Variants in YIPF3 observed in about 807,000 individuals in gnomAD.
The protein encoded by YIPF3 is protein YIPF3.
YIPF3 carries 18 observed loss-of-function variants against 40.3 expected under a neutral mutation model. The observed-to-expected ratio is 0.45, with a 90% CI of 0.31 to 0.66. The LOEUF (loss-of-function observed/expected upper bound fraction) is 0.66, where lower values mean the gene tolerates loss of function less well. Ranked by LOEUF, YIPF3 falls within the 30% of genes least tolerant of loss-of-function variation. YIPF3 has a pLI of 0.07. For synonymous variants in YIPF3, 190 were observed against 179.6 expected (o/e 1.06, Z -0.46); for missense variants, 406 against 452.2 (o/e 0.90, Z 0.93).
intron 2 of YIPF3, 21 bp from the exon 3 acceptor site, chr6:43,515,722 A>G (rs1371560254): frequency 3.7e-6 from 6 of 1,613,932 alleles, no homozygotes; most frequent in Non-Finnish European, 5.1e-6. Flanking sequence ...GAAGATGGGC[A>G]TAGGTATTGT....
intron 7 of YIPF3, 91 bp downstream of exon 7, chr6:43,512,670 T>C: frequency 6.5e-7 from 1 of 1,548,740 alleles, no homozygotes; most frequent in Non-Finnish European, 8.7e-7. Flanking sequence ...CCCTCCCATT[T>C]AGGGCTCTTT....
chr6:43,515,323 A>G (rs757148184), intron 3 of YIPF3: 5 of 546,648 alleles, frequency 9.1e-6, no homozygotes, highest in Middle Eastern at 2.8e-4. Context: ...GAACACCAGG[A>G]GAGAACAAAC....
intron 7 of YIPF3, 23 bp downstream of exon 7, chr6:43,512,738 T>C (rs750500380): frequency 1.9e-6 from 3 of 1,606,970 alleles, no homozygotes; most frequent in Non-Finnish European, 2.5e-6. Context: ...AGCCCACCCC[T>C]GGAAGCCTCT....
intron 1 of YIPF3, 193 bp from the exon 2 acceptor site, chr6:43,516,288 G>T: frequency 7.7e-7 from 1 of 1,304,050 alleles, no homozygotes; most frequent in Non-Finnish European, 1.0e-6. Flanking sequence ...ATCTTTTCTA[G>T]CCTGGGAAAC....
chr6:43,512,367 CCAT>C (rs771818241), intron 8 of YIPF3, 52 bp from the exon 9 acceptor site: 2 of 1,613,836 alleles, frequency 1.2e-6, no homozygotes, highest in Non-Finnish European at 1.7e-6. Flanking sequence ...AGCCCACCAG[CCAT>C]CATATCTAGC....
rs1582170987 is a variant in YIPF3, at chr6:43,512,057, T to G, written c.*110A>C. On this transcript the variant is annotated 3_prime_UTR_variant, in exon 9 of 9. Coordinates refer to ENST00000372422, the MANE Select transcript of YIPF3 (RefSeq NM_015388.4). Reference sequence around the variant, plus strand: ...AGGTACTTACGCAGCTACAGCTCAGTGGCAGCTGCAAACCCCATCTACGAA... The same window carrying G: ...AGGTACTTACGCAGCTACAGCTCAGGGGCAGCTGCAAACCCCATCTACGAA... 1.3e-6 allele frequency: 2 copies of G among 1,507,350 alleles called. No homozygotes were observed. Among genetic ancestry groups the G allele is most frequent in the East Asian group, 4.5e-5 (2 of 44,028 alleles). The allele number at this position is 1,507,350 out of a possible 1,614,324, so 93.4% of individuals were successfully genotyped here.
In YIPF3 at chr6:43,516,711, G is replaced by T. The variant is rs1370171519; in HGVS notation, c.81+16C>A. 6 of 1,612,208 alleles carry T rather than the reference G, an allele frequency of 3.7e-6. No individual in the cohort carries two copies. Among genetic ancestry groups the T allele is most frequent in the South Asian group, 1.1e-5 (1 of 90,986 alleles). On this transcript the variant is annotated intron_variant, in intron 1 of 8. Coordinates refer to ENST00000372422, the MANE Select transcript of YIPF3 (RefSeq NM_015388.4). ...GGCCCTCCGGCTGCTGGCAGCTGGT[G>T]CCTTGGGGCCATTACCTGGATGTTT...
chr6:43,515,055 C>G (rs572927863), intron 3 of YIPF3: 4 of 297,746 alleles, frequency 1.3e-5, no homozygotes, highest in African/African-American at 9.1e-5. Context: ...TGCAGTGGCA[C>G]GATCTCGGCT....
Position 43,511,944 on chromosome 6 carries a change from C to T in YIPF3, c.*223G>A, listed in dbSNP as rs1582170866. The T allele has an allele frequency of 1.6e-6, 1 of 617,814 alleles. No homozygotes were observed. Among genetic ancestry groups the T allele is most frequent in the East Asian group, 3.2e-5 (1 of 31,536 alleles). The allele number at this position is 617,814 out of a possible 1,614,324, so 38.3% of individuals were successfully genotyped here. A position where few individuals can be genotyped will look rare whatever the true frequency, so the allele number is the denominator to read the frequency against. On this transcript the variant is annotated 3_prime_UTR_variant, in exon 9 of 9. Coordinates refer to ENST00000372422, the MANE Select transcript of YIPF3 (RefSeq NM_015388.4). ...GGGAGGGGTTCTCAAAGGAGCTGAC[C>T]CATTTTCTGCATTGGCTGCAGAGCC...
At chr6:43,513,896 A>G (rs1031724311) in intron 3 of YIPF3, 3 of 358,522 alleles carry the variant, frequency 8.4e-6, no homozygotes, top group South Asian at 1.7e-4. Context: ...ACTCAGCCCT[A>G]CTGGGCCTTG....
intron 3 of YIPF3, among the ~76,000 whole-genome samples, chr6:43,514,026 G>A (rs565916347): frequency 3.9e-5 from 6 of 152,252 alleles, no homozygotes; most frequent in African/African-American, 1.4e-4. Flanking sequence ...CAGATCACAA[G>A]GTCAGGAGTT....
Position 43,511,960 on chromosome 6 carries a change from C to T in YIPF3, c.*207G>A. 1 of 728,296 alleles carries T rather than the reference C, an allele frequency of 1.4e-6. No individual in the cohort carries two copies. The highest frequency in any genetic ancestry group is 2.1e-6 in the Non-Finnish European group (1 of 465,534). The allele number at this position is 728,296 out of a possible 1,614,324, so 45.1% of individuals were successfully genotyped here. ...GGAGCTGACCCATTTTCTGCATTGG[C>T]TGCAGAGCCTTGCAGTCCTGGCCAG... On this transcript the variant is annotated 3_prime_UTR_variant, in exon 9 of 9. Coordinates refer to ENST00000372422, the MANE Select transcript of YIPF3 (RefSeq NM_015388.4).
chr6:43,512,089 C>A lies in YIPF3; in HGVS notation c.*78G>T. The stretch of plus-strand genomic sequence containing the variant: ...TGCAAACCCCATCTACGAAACATGT[C>A]ATCAGGACTGTCCTTTAATAGTCTT... On this transcript the variant is annotated 3_prime_UTR_variant, in exon 9 of 9. Coordinates refer to ENST00000372422, the MANE Select transcript of YIPF3 (RefSeq NM_015388.4). The A allele has an allele frequency of 6.3e-7, 1 of 1,595,726 alleles. No individual in the cohort carries two copies.
At position 43,512,503 on chromosome 6, in the gene YIPF3, G is replaced by A. The variant is rs150648489; in HGVS notation, c.841C>T (p.Leu281=). 2 of 1,613,636 alleles carry A rather than the reference G, an allele frequency of 1.2e-6. No individual in the cohort carries two copies. Among genetic ancestry groups the A allele is most frequent in the South Asian group, 2.2e-5 (2 of 91,058 alleles). ...PTQRLLLCGT[L]AALHMLFLLY... ...AGGAAGAGCATGTGTAGGGCAGCCA[G>A]GGTGCCACAGAGGAGCAGCCGCTGT... is the stretch of plus-strand genomic sequence containing the variant. Residue 281 remains leucine (L), a synonymous_variant, in exon 8 of 9, where the codon CTG becomes TTG. Coordinates refer to ENST00000372422, the MANE Select transcript of YIPF3 (RefSeq NM_015388.4).
chr6:43,512,147 G>T lies in YIPF3; in HGVS notation c.*20C>A, dbSNP rs1225418292. 6.2e-7 allele frequency: 1 copy of T among 1,614,088 alleles called. No homozygotes were observed. ...TCTGCAGCTGCGGGAAAGAGGACTG[G>T]CCAAGAATTTCAGGTGGGGTCAGTG... is the stretch of plus-strand genomic sequence containing the variant. On this transcript the variant is annotated 3_prime_UTR_variant, in exon 9 of 9. Transcript: ENST00000372422.
intron 1 of YIPF3, 85 bp downstream of exon 1, chr6:43,516,642 C>G (rs1317298885): frequency 1.3e-6 from 2 of 1,502,088 alleles, no homozygotes; most frequent in Admixed American, 1.9e-5. Context: ...GAGCGGACTT[C>G]CAGGCCCAGA....
In YIPF3 at chr6:43,512,812, G is replaced by A. The variant is rs1198855834; in HGVS notation, c.729C>T (p.Ala243=). The A allele has an allele frequency of 6.2e-6, 10 of 1,614,100 alleles. No individual in the cohort carries two copies. The highest frequency in any genetic ancestry group is 8.5e-6 in the Non-Finnish European group (10 of 1,180,028). ...CCAACAGCCAGAAGAGGTAGAAGAGGGCGTGGAGGTGGATATTATAGGTGA... is the reference window on the plus strand; with the variant it reads ...CCAACAGCCAGAAGAGGTAGAAGAGAGCGTGGAGGTGGATATTATAGGTGA... ...LFITYNIHLH[A]LFYLFWLLVG... The change falls in exon 7 of 9, where the codon GCC becomes GCT. Residue 243 remains alanine, a synonymous_variant. Coordinates refer to ENST00000372422, the MANE Select transcript of YIPF3 (RefSeq NM_015388.4).
chr6:43,513,907 A>T, intron 3 of YIPF3: 1 of 333,834 alleles, frequency 3.0e-6, no homozygotes, highest in Non-Finnish European at 5.5e-6. Flanking sequence ...CTGGGCCTTG[A>T]AGGAGGGCCC....
chr6:43,516,597 T>C, intron 1 of YIPF3, 130 bp downstream of exon 1: 4 of 1,074,576 alleles, frequency 3.7e-6, no homozygotes, highest in Non-Finnish European at 4.1e-6. Flanking sequence ...GACTTTAGTG[T>C]GCACGAAGAC....
Sources: allele counts gnomAD v4.1 joint callset (sites outside exome capture counted in the v4.1 genomes callset), GRCh38; gene constraint gnomAD v4.1.1; transcripts MANE v1.5; gene names NCBI Gene and HGNC (gene_info 2026-07-23, HGNC 2026-07-21).